KCNN2: variants seen among roughly 807,000 people sequenced by gnomAD.
The protein encoded by KCNN2 is small conductance calcium-activated potassium channel protein 2.
Under a neutral mutation model 55.5 loss-of-function variants are expected in KCNN2, and 24 were observed. The observed-to-expected ratio is 0.43, with a 90% CI of 0.31 to 0.61. KCNN2 has a LOEUF of 0.61. Ranked by LOEUF, KCNN2 falls within the 20% of genes least tolerant of loss-of-function variation. The pLI, the probability that KCNN2 is intolerant of heterozygous loss-of-function variation, is 0.08. For missense variants in KCNN2, 754 were observed against 853.6 expected, an observed-to-expected ratio of 0.88 and a Z score of 1.45; for synonymous variants, 431 against 336.1, an observed-to-expected ratio of 1.28 and a Z score of -3.09.
chr5:114,450,625 G>T (rs1760630609), intron 3 of KCNN2, among the ~76,000 whole-genome samples: 1 of 152,178 alleles, frequency 6.6e-6, no homozygotes, highest in Admixed American at 6.5e-5. Flanking sequence ...CTTTCCAGAT[G>T]TGTTGATATG....
intron 1 of KCNN2, among the ~76,000 whole-genome samples, chr5:114,104,288 T>C: frequency 6.6e-6 from 1 of 152,162 alleles, no homozygotes; most frequent in Non-Finnish European, 1.5e-5. Flanking sequence ...TTATCATTTT[T>C]TATTGTGTCT....
chr5:114,261,133 CCACT>C (rs1263696851), intron 2 of KCNN2, among the ~76,000 whole-genome samples: 1 of 152,024 alleles, frequency 6.6e-6, no homozygotes, highest in Non-Finnish European at 1.5e-5. Context: ...TTTGAAGTGC[CCACT>C]CAAAGATCCA....
intron 3 of KCNN2, among the ~76,000 whole-genome samples, chr5:114,458,913 A>ACAGCATAC (rs1440795591): frequency 2.0e-5 from 3 of 152,186 alleles, no homozygotes; most frequent in African/African-American, 7.2e-5. Flanking sequence ...GTGAAGGATA[A>ACAGCATAC]CAGCATACCT....
chr5:114,135,969 T>C (rs1233083177), intron 1 of KCNN2, among the ~76,000 whole-genome samples: 2 of 151,764 alleles, frequency 1.3e-5, no homozygotes, highest in Admixed American at 6.6e-5. Context: ...AAGAGCTACA[T>C]AAAGAAGGAA....
intron 3 of KCNN2, among the ~76,000 whole-genome samples, chr5:114,440,209 C>T (rs1015638841): frequency 1.3e-5 from 2 of 152,070 alleles, no homozygotes; most frequent in Non-Finnish European, 2.9e-5. Flanking sequence ...AAAAAACTTG[C>T]CACAATGATT....
intron 2 of KCNN2, 62 bp from the exon 3 acceptor site, chr5:114,404,376 G>A (rs1758873457): frequency 6.7e-6 from 9 of 1,336,902 alleles, no homozygotes; most frequent in Middle Eastern, 2.5e-4. Context: ...TTTAAAATCT[G>A]CACTAACACT....
intron 3 of KCNN2, among the ~76,000 whole-genome samples, chr5:114,455,216 C>T (rs1038107700): frequency 1.3e-5 from 2 of 152,112 alleles, no homozygotes; most frequent in Admixed American, 6.5e-5. Flanking sequence ...TCGAGCTAGG[C>T]GATCAGCATC....
intron 2 of KCNN2, among the ~76,000 whole-genome samples, chr5:114,374,179 C>T (rs928566304): frequency 2.0e-5 from 3 of 152,106 alleles, no homozygotes; most frequent in Non-Finnish European, 4.4e-5. Flanking sequence ...GTTACATTAA[C>T]TCCTTCAGGC....
chr5:114,481,904 A>G (rs909510643), intron 5 of KCNN2, among the ~76,000 whole-genome samples: 1 of 152,194 alleles, frequency 6.6e-6, no homozygotes, highest in South Asian at 2.1e-4. Flanking sequence ...AAAGACTTAA[A>G]TGTAAAACCC....
chr5:114,118,997 T>G (rs1271834792), intron 1 of KCNN2, among the ~76,000 whole-genome samples: 2 of 152,132 alleles, frequency 1.3e-5, no homozygotes, highest in African/African-American at 4.8e-5. Context: ...AGGAGGAGGA[T>G]AATGCCAATC....
intron 2 of KCNN2, among the ~76,000 whole-genome samples, chr5:114,333,477 G>A (rs1283906805): frequency 1.3e-5 from 2 of 152,124 alleles, no homozygotes; most frequent in African/African-American, 4.8e-5. Flanking sequence ...TACAAGCAAA[G>A]TCTATTTGAT....
intron 1 of KCNN2, among the ~76,000 whole-genome samples, chr5:114,197,015 C>T (rs1304370057): frequency 6.6e-6 from 1 of 152,050 alleles, no homozygotes; most frequent in Non-Finnish European, 1.5e-5. Context: ...CTTAGCTGTA[C>T]CCCATAGTTT....
In KCNN2 at chr5:114,294,264, A is replaced by G. The variant is rs558794050; in HGVS notation, c.-184-66681A>G. 6.2e-3 allele frequency among the ~76,000 whole-genome samples: 941 copies of G among 151,920 alleles called. 3 individuals are homozygous for G. The highest frequency in any genetic ancestry group is 0.014 in the Middle Eastern group (4 of 294). ...TGAATGTGTTTGCTCTTGCTTTTCTAGTTCTTTTAATTGTGATGTTAGGGT... is the reference window on the plus strand; with the variant it reads ...TGAATGTGTTTGCTCTTGCTTTTCTGGTTCTTTTAATTGTGATGTTAGGGT... On this transcript the variant is annotated intron_variant, in intron 2 of 10. Transcript: ENST00000512097.
intron 2 of KCNN2, among the ~76,000 whole-genome samples, chr5:114,304,099 C>T (rs1434185819): frequency 6.6e-6 from 1 of 152,104 alleles, no homozygotes; most frequent in Non-Finnish European, 1.5e-5. Flanking sequence ...CTAAGCTCTG[C>T]CCACTGGAAG....
intron 5 of KCNN2, among the ~76,000 whole-genome samples, chr5:114,474,794 T>A (rs1483947475): frequency 6.6e-6 from 1 of 152,082 alleles, no homozygotes; most frequent in Admixed American, 6.6e-5. Flanking sequence ...AGATTATACA[T>A]TTCCTCAGGA....
intron 1 of KCNN2, among the ~76,000 whole-genome samples, chr5:114,219,727 G>A (rs896547617): frequency 6.6e-6 from 1 of 152,058 alleles, no homozygotes; most frequent in African/African-American, 2.4e-5. Flanking sequence ...TTTGGCTTGA[G>A]GGTGGGGTTT....
chr5:114,238,541 G>A (rs759099253), intron 2 of KCNN2, among the ~76,000 whole-genome samples: 11 of 151,416 alleles, frequency 7.3e-5, no homozygotes, highest in Non-Finnish European at 1.5e-4. Flanking sequence ...CAGGAGAATC[G>A]CTTGAACCCA....
intron 1 of KCNN2, among the ~76,000 whole-genome samples, chr5:114,205,479 A>G (rs1162979730): frequency 1.3e-5 from 2 of 152,228 alleles, no homozygotes; most frequent in Non-Finnish European, 2.9e-5. Context: ...CTTATTATGC[A>G]GTATTAAATA....
chr5:114,172,955 A>G (rs1049892657), intron 1 of KCNN2, among the ~76,000 whole-genome samples: 8 of 151,728 alleles, frequency 5.3e-5, no homozygotes, highest in Admixed American at 1.3e-4. Flanking sequence ...CCGTTTGTCC[A>G]TTTCTGCTTT....
Sources: gnomAD v4.1 joint callset for allele counts (sites outside exome capture counted in the v4.1 genomes callset) on GRCh38, gnomAD v4.1.1 for gene constraint, MANE v1.5 for transcripts, NCBI Gene and HGNC (gene_info 2026-07-23, HGNC 2026-07-21) for gene names.